Variants in SH3RF2 observed in about 807,000 individuals in gnomAD.
The protein encoded by SH3RF2 is SH3 domain containing ring finger 2, also known as E3 ubiquitin-protein ligase SH3RF2.
In SH3RF2, 43 loss-of-function variants were observed where a neutral mutation model predicts 59.0. That is an observed-to-expected ratio of 0.73 (90% confidence interval 0.57 to 0.94). The LOEUF (loss-of-function observed/expected upper bound fraction) is 0.94, where lower values mean the gene tolerates loss of function less well. Ranked by LOEUF, SH3RF2 falls within the 40% of genes least tolerant of loss-of-function variation. The pLI, the probability that SH3RF2 is intolerant of heterozygous loss-of-function variation, is 0.00. For synonymous variants in SH3RF2, 391 were observed against 391.5 expected (o/e 1.00, Z 0.01); for missense variants, 930 against 940.1 (o/e 0.99, Z 0.14).
chr5:146,081,337 T>A (rs891846736), exon 10 of SH3RF2: 3 of 152,124 alleles, frequency 2.0e-5, no homozygotes, highest in Admixed American at 6.6e-5. Context: ...CCAGAAGTCA[T>A]GACCCTAAGC....
intron 5 of SH3RF2, among the ~76,000 whole-genome samples, chr5:146,023,518 C>T (rs1455231898): frequency 6.6e-6 from 1 of 152,162 alleles, no homozygotes; most frequent in African/African-American, 2.4e-5. Flanking sequence ...CTCCCCCATA[C>T]TTTCTGTAAG....
At chr5:145,948,682 C>T (rs1279817250) in intron 2 of SH3RF2, among the ~76,000 whole-genome samples, 2 of 152,210 alleles carry the variant, frequency 1.3e-5, no homozygotes, top group African/African-American at 4.8e-5. Context: ...GGAAATTCGC[C>T]ATGTGGCTGA....
intron 2 of SH3RF2, among the ~76,000 whole-genome samples, chr5:145,974,112 TG>T (rs1433817742): frequency 2.0e-5 from 3 of 152,160 alleles, no homozygotes; most frequent in African/African-American, 7.2e-5. Context: ...CATTTCCTTG[TG>T]GCTGTAAAAC....
chr5:146,062,302 C>T (rs904926014), intron 9 of SH3RF2, 124 bp from the exon 10 acceptor site: 1 of 1,255,216 alleles, frequency 8.0e-7, no homozygotes, highest in Admixed American at 2.1e-5. Context: ...GCACTTGACA[C>T]TCATGGTAGC....
At chr5:145,980,397 T>C (rs747273785) in intron 2 of SH3RF2, among the ~76,000 whole-genome samples, 1 of 152,224 alleles carries the variant, frequency 6.6e-6, no homozygotes, top group Non-Finnish European at 1.5e-5. Flanking sequence ...TGAGACTAGA[T>C]CATGAATCTT....
intron 7 of SH3RF2, among the ~76,000 whole-genome samples, chr5:146,055,645 T>G (rs1248476811): frequency 3.9e-5 from 6 of 152,226 alleles, no homozygotes; most frequent in African/African-American, 1.2e-4. Flanking sequence ...TAGGATCTTA[T>G]GCTCTGAGCT....
intron 9 of SH3RF2, among the ~76,000 whole-genome samples, chr5:146,077,641 T>C (rs1763363855): frequency 6.6e-6 from 1 of 152,224 alleles, no homozygotes; most frequent in South Asian, 2.1e-4. Flanking sequence ...CATGTTGATA[T>C]AGTACTATTA....
chr5:145,964,587 G>A (rs369344665), intron 2 of SH3RF2, among the ~76,000 whole-genome samples: 1 of 152,128 alleles, frequency 6.6e-6, no homozygotes, highest in Non-Finnish European at 1.5e-5. Flanking sequence ...GATTACGGGC[G>A]TGAGCCACCA....
chr5:146,007,815 T>C (rs1760709583), intron 4 of SH3RF2, among the ~76,000 whole-genome samples: 1 of 152,212 alleles, frequency 6.6e-6, no homozygotes, highest in Non-Finnish European at 1.5e-5. Context: ...AAGTGGTTGC[T>C]CTAATCTGGA....
downstream of SH3RF2, among the ~76,000 whole-genome samples, chr5:146,064,807 G>GGAAGGAAGGAAAGAAA (rs1763049596): frequency 5.5e-5 from 1 of 18,342 alleles, no homozygotes; most frequent in African/African-American, 1.7e-4. Flanking sequence ...AAGGAAGGAA[G>GGAAGGAAGGAAAGAAA]GAAAGAAAGA....
intron 2 of SH3RF2, among the ~76,000 whole-genome samples, chr5:145,961,174 CTTTTTTTTT>C (rs869156939): frequency 5.5e-5 from 5 of 90,962 alleles, no homozygotes; most frequent in African/African-American, 1.8e-4. Flanking sequence ...CTGCATCCTC[CTTTTTTTTT>C]TTTTTTTTTT....
chr5:145,977,320 C>T (rs1289682184), intron 2 of SH3RF2, among the ~76,000 whole-genome samples: 1 of 152,236 alleles, frequency 6.6e-6, no homozygotes, highest in Non-Finnish European at 1.5e-5. Flanking sequence ...CTAACAGTCA[C>T]TGAACACCAA....
intron 9 of SH3RF2, among the ~76,000 whole-genome samples, chr5:146,076,936 G>C (rs1188098896): frequency 6.6e-6 from 1 of 152,122 alleles, no homozygotes; most frequent in Non-Finnish European, 1.5e-5. Context: ...CATTATTAAA[G>C]TTTCCCCAAA....
chr5:145,976,210 C>T (rs1190878905), intron 2 of SH3RF2, among the ~76,000 whole-genome samples: 37 of 152,078 alleles, frequency 2.4e-4, no homozygotes, highest in Admixed American at 2.4e-3. Flanking sequence ...AGGATTCGCC[C>T]TCAGACCCCA....
At chr5:146,020,508 C>T (rs574333794) in intron 5 of SH3RF2, among the ~76,000 whole-genome samples, 1 of 152,168 alleles carries the variant, frequency 6.6e-6, no homozygotes, top group South Asian at 2.1e-4. Context: ...ACCCCAAGGC[C>T]CTGTAAGCAT....
rs1308998280 is a variant in SH3RF2, at chr5:146,047,677, CTG to C, written c.1060-91_1060-90del. The C allele has an allele frequency of 2.6e-6, 3 of 1,158,314 alleles. No homozygotes were observed. In the African/African-American group the frequency reaches 4.6e-5, roughly 18 times the overall value. The allele number at this position is 1,158,314 out of a possible 1,614,324, so 71.8% of individuals were successfully genotyped here. On this transcript the variant is annotated intron_variant, in intron 5 of 9. Coordinates refer to ENST00000359120, the MANE Select transcript of SH3RF2 (RefSeq NM_152550.4). ...ACCAGGCATGGCTGTTGGTTTTCAGCTGTGTCAGGTCTTTCTACGTAGCTGCT... is the reference window on the plus strand; with the variant it reads ...ACCAGGCATGGCTGTTGGTTTTCAGCTGTCAGGTCTTTCTACGTAGCTGCT...
Position 145,958,992 on chromosome 5 carries a change from A to G in SH3RF2, c.378+20686A>G, listed in dbSNP as rs998135503. Among the ~76,000 whole-genome samples, 5 of 152,184 alleles carry G rather than the reference A, an allele frequency of 3.3e-5. No individual in the cohort carries two copies. The East Asian group carries it at 9.6e-4, about 29-fold the overall frequency. On this transcript the variant is annotated intron_variant, in intron 2 of 9. Transcript: ENST00000359120. ...GGTCTCACAGTTTATGGCCATTTTG[A>G]GCCTCAAAAAGCAGTTTCCAAAGAC...
intron 2 of SH3RF2, among the ~76,000 whole-genome samples, chr5:145,960,266 T>C (rs1170542463): frequency 6.6e-6 from 1 of 152,110 alleles, no homozygotes; most frequent in Non-Finnish European, 1.5e-5. Flanking sequence ...CCTAAACTTA[T>C]AAGCTGGATG....
At chr5:145,942,236 T>A (rs1330613947) in intron 2 of SH3RF2, among the ~76,000 whole-genome samples, 2 of 152,206 alleles carry the variant, frequency 1.3e-5, no homozygotes, top group African/African-American at 2.4e-5. Context: ...AATTCTTTAT[T>A]AACATTTTTA....
Sources: allele counts gnomAD v4.1 joint callset (sites outside exome capture counted in the v4.1 genomes callset), GRCh38; gene constraint gnomAD v4.1.1; transcripts MANE v1.5; gene names NCBI Gene and HGNC (gene_info 2026-07-23, HGNC 2026-07-21).